The following IGF2R variants were observed in gnomAD, a reference collection of about 807,000 sequenced individuals.
The protein encoded by IGF2R is insulin like growth factor 2 receptor.
Under a neutral mutation model 270.6 loss-of-function variants are expected in IGF2R, and 91 were observed. The observed-to-expected ratio is 0.34, with a 90% CI of 0.28 to 0.40. The LOEUF (loss-of-function observed/expected upper bound fraction) is 0.40. Among genes scored for constraint, IGF2R ranks in the 10% least tolerant of loss-of-function variants. The pLI, the probability that IGF2R is intolerant of heterozygous loss-of-function variation, is 1.00. For synonymous variants in IGF2R, 1,316 were observed against 1,258.9 expected (o/e 1.05, Z -0.96); for missense variants, 2,805 against 3,188.3 (o/e 0.88, Z 2.90).
At position 160,064,499 on chromosome 6, in the gene IGF2R, A is replaced by T; in HGVS notation, c.3985A>T (p.Ile1329Phe). The T allele has an allele frequency of 6.2e-7, 1 of 1,614,192 alleles. No individual in the cohort carries two copies. Among genetic ancestry groups the T allele is most frequent in the Non-Finnish European group, 8.5e-7 (1 of 1,180,038 alleles). ...CHKVYQRSTA[I>F]FFYCDRGTQR... ...TAAGGTTTATCAGCGCTCCACAGCCATCTTCTTCTACTGTGACCGCGGCAC... is the reference window on the plus strand; with the variant it reads ...TAAGGTTTATCAGCGCTCCACAGCCTTCTTCTTCTACTGTGACCGCGGCAC... The change falls in exon 28 of 48, where the codon ATC becomes TTC. Residue 1329 changes from isoleucine (I) to phenylalanine (F), a missense_variant. Ile to Phe is a conservative substitution (Grantham distance 21). Transcript: ENST00000356956.
chr6:159,987,162 A>G (rs1379015162), intron 1 of IGF2R, among the ~76,000 whole-genome samples: 2 of 152,220 alleles, frequency 1.3e-5, no homozygotes, highest in Admixed American at 6.5e-5. Context: ...TTTAGTTTCA[A>G]ACATGTGATT....
At chr6:160,058,861 C>G (rs372736040) in intron 21 of IGF2R, 45 bp from the exon 22 acceptor site, 19 of 1,531,204 alleles carry the variant, frequency 1.2e-5, no homozygotes, top group Non-Finnish European at 1.7e-5. Flanking sequence ...TGGTGAGATA[C>G]GAGGCATAAA....
rs540740328 is a variant in IGF2R, at chr6:160,077,722, C to CT, written c.5317-472dup. On this transcript the variant is annotated intron_variant, in intron 36 of 47. Transcript: ENST00000356956. ...ATGGAATTCCTGAGAGCTGCCTCAT[C>CT]TTTTTTTGTTGCTGTTGAATGAGGG... Among the ~76,000 whole-genome samples the CT allele has an allele frequency of 3.0e-4, 45 of 152,320 alleles. No homozygotes were observed. The East Asian group carries it at 7.3e-3, about 25-fold the overall frequency.
intron 9 of IGF2R, among the ~76,000 whole-genome samples, chr6:160,034,189 G>A (rs1176089192): frequency 1.3e-5 from 2 of 152,164 alleles, no homozygotes; most frequent in Non-Finnish European, 1.5e-5. Context: ...AAAACCTTCG[G>A]CACTTTCTTC....
rs148139253 is a variant in IGF2R, at chr6:159,996,682, G to A, written c.289+5359G>A. On this transcript the variant is annotated intron_variant, in intron 2 of 47. Coordinates refer to ENST00000356956, the MANE Select transcript of IGF2R (RefSeq NM_000876.4). ...ATATTCAGAACATGAGAATATCGCT[G>A]TCTGTCTCAGGCTGCAGTGTAGTGA... is the stretch of plus-strand genomic sequence containing the variant. Among the ~76,000 whole-genome samples the A allele has an allele frequency of 6.6e-5, 10 of 152,310 alleles. No individual in the cohort carries two copies. In the East Asian group the frequency reaches 1.9e-3, roughly 29 times the overall value.
chr6:159,974,056 T>A (rs1783652241), intron 1 of IGF2R, among the ~76,000 whole-genome samples: 1 of 152,206 alleles, frequency 6.6e-6, no homozygotes, highest in South Asian at 2.1e-4. Flanking sequence ...GCTGTTTGAC[T>A]TCATGGGACC....
intron 45 of IGF2R, among the ~76,000 whole-genome samples, chr6:160,099,942 A>G (rs1434388923): frequency 5.9e-5 from 9 of 152,260 alleles, no homozygotes; most frequent in Non-Finnish European, 4.4e-5. Flanking sequence ...TTTGGAAGAC[A>G]TACTGTTAGA....
intron 19 of IGF2R, among the ~76,000 whole-genome samples, chr6:160,054,375 G>A (rs1449798262): frequency 1.3e-5 from 2 of 152,202 alleles, no homozygotes; most frequent in African/African-American, 4.8e-5. Context: ...AGGTGAAGCA[G>A]AGGACATGAA....
At chr6:160,072,370 C>T (rs1463849147) in intron 32 of IGF2R, among the ~76,000 whole-genome samples, 1 of 152,208 alleles carries the variant, frequency 6.6e-6, no homozygotes, top group African/African-American at 2.4e-5. Context: ...CCCCTGGCTG[C>T]CTTTCAGCAT....
At chr6:160,048,297 C>T in intron 17 of IGF2R, 78 bp from the exon 18 acceptor site, 1 of 1,388,146 alleles carries the variant, frequency 7.2e-7, no homozygotes, top group Non-Finnish European at 1.0e-6. Context: ...AGCTTTACTT[C>T]CCCAACTACA....
chr6:160,096,414 C>T (rs1478075143), intron 44 of IGF2R, 25 bp from the exon 45 acceptor site: 21 of 1,594,380 alleles, frequency 1.3e-5, no homozygotes, highest in Non-Finnish European at 1.8e-5. Flanking sequence ...GGTGACATGC[C>T]ATGTGTGCCC....
intron 29 of IGF2R, among the ~76,000 whole-genome samples, chr6:160,065,802 GTGTGTGTGTGTGTATA>G (rs1778561142): frequency 3.2e-5 from 2 of 61,702 alleles, no homozygotes; most frequent in African/African-American, 1.5e-4. Context: ...GTGTGTGTGT[GTGTGTGTGTGTGTATA>G]TATATATATA....
intron 1 of IGF2R, among the ~76,000 whole-genome samples, chr6:159,970,114 A>C (rs1184656546): frequency 6.6e-6 from 1 of 151,834 alleles, no homozygotes; most frequent in Non-Finnish European, 1.5e-5. Context: ...ATTCTAGTGG[A>C]TCTTGCTCTG....
In IGF2R at chr6:160,085,053, G is replaced by T. The variant is rs1779070746; in HGVS notation, c.6127G>T (p.Ala2043Ser). 6.2e-7 allele frequency: 1 copy of T among 1,614,056 alleles called. No individual in the cohort carries two copies. Among genetic ancestry groups the T allele is most frequent in the Non-Finnish European group, 8.5e-7 (1 of 1,179,970 alleles). Residue 2043 changes from alanine to serine, a missense_variant, in exon 41 of 48, where the codon GCC becomes TCC. Ala to Ser is a moderately conservative substitution (Grantham distance 99). Around this residue, in one of 2 missense-constraint regions of IGF2R, gnomAD observed 1,851 missense variants for 2,207.2 expected, o/e 0.84. Coordinates refer to ENST00000356956, the MANE Select transcript of IGF2R (RefSeq NM_000876.4). ...YKGPLGCSER[A>S]SICRRTTTGD... ...AGGGCCCCTGGGCTGCTCTGAAAGGGCCAGCATTTGCAGAAGGACCACAAC... is the reference window on the plus strand; with the variant it reads ...AGGGCCCCTGGGCTGCTCTGAAAGGTCCAGCATTTGCAGAAGGACCACAAC...
At chr6:160,026,673 A>C (rs1017241389) in intron 5 of IGF2R, among the ~76,000 whole-genome samples, 1 of 152,224 alleles carries the variant, frequency 6.6e-6, no homozygotes, top group Non-Finnish European at 1.5e-5. Flanking sequence ...TGTTCTGGAC[A>C]TATTCTGGGT....
chr6:160,037,360 C>CA (rs1453146672), intron 10 of IGF2R, among the ~76,000 whole-genome samples: 4 of 152,194 alleles, frequency 2.6e-5, no homozygotes, highest in Admixed American at 2.6e-4. Flanking sequence ...ACTCTGAGAG[C>CA]AAATTGTGTA....
intron 5 of IGF2R, 121 bp from the exon 6 acceptor site, chr6:160,027,064 T>C (rs368823579): frequency 1.8e-6 from 2 of 1,104,648 alleles, no homozygotes; most frequent in South Asian, 2.9e-5. Context: ...GGTTTCAGAA[T>C]AGTTACTTAG....
rs376134296 is a variant in IGF2R at position 160,061,832 on chromosome 6, G to A, written c.3486G>A (p.Ala1162=). The A allele has an allele frequency of 2.7e-5, 44 of 1,614,126 alleles. No individual in the cohort carries two copies. The highest frequency in any genetic ancestry group is 2.5e-4 in the African/African-American group (19 of 75,018). ...LGVVQMSPQA[A]ANGSLSIMYV... ...TGGTGCAGATGAGTCCCCAAGCCGC[G>A]GCGAATGGATCTTTGAGCATCATGT... Residue 1162 remains alanine, a synonymous_variant, in exon 25 of 48, where the codon GCG becomes GCA. Coordinates refer to ENST00000356956, the MANE Select transcript of IGF2R (RefSeq NM_000876.4).
chr6:160,065,898 G>C (rs1246945475), intron 29 of IGF2R, among the ~76,000 whole-genome samples: 1 of 146,254 alleles, frequency 6.8e-6, no homozygotes, highest in African/African-American at 2.5e-5. Context: ...AAGTGCAGTG[G>C]CGTGATCTTG....
Sources: allele counts gnomAD v4.1 joint callset (sites outside exome capture counted in the v4.1 genomes callset), GRCh38; gene constraint gnomAD v4.1.1; regional missense constraint gnomAD v4.1.1; transcripts MANE v1.5; gene names NCBI Gene and HGNC (gene_info 2026-07-23, HGNC 2026-07-21).